Variants in TRPM6 observed in about 807,000 individuals in gnomAD.
TRPM6 encodes the protein channel kinase 2.
A neutral mutation model predicts 247.6 loss-of-function variants in TRPM6; 111 were observed. The observed-to-expected ratio is 0.45, with a 90% CI of 0.38 to 0.52. The LOEUF (loss-of-function observed/expected upper bound fraction) is 0.52, where lower values mean the gene tolerates loss of function less well. Among genes scored for constraint, TRPM6 ranks in the 20% least tolerant of loss-of-function variants. TRPM6 has a pLI of 0.00. For synonymous variants in TRPM6, 892 were observed against 853.8 expected, an observed-to-expected ratio of 1.04 and a Z score of -0.78; for missense variants, 2,126 against 2,421.5, an observed-to-expected ratio of 0.88 and a Z score of 2.56.
chr9:74,747,963 T>TA (rs1563995286), intron 30 of TRPM6, 49 bp from the exon 31 acceptor site: 1 of 1,573,392 alleles, frequency 6.4e-7, no homozygotes, highest in South Asian at 1.1e-5. Flanking sequence ...CCTTAAATCT[T>TA]ACAGTTATCA....
chr9:74,762,308 A>G lies in TRPM6; in HGVS notation c.4363T>C (p.Trp1455Arg). The G allele has an allele frequency of 6.2e-7, 1 of 1,614,232 alleles. No individual in the cohort carries two copies. The highest frequency in any genetic ancestry group is 8.5e-7 in the Non-Finnish European group (1 of 1,180,040). ...GTTTCATCACCTTCTGAAAATGCCCAGTTTACATATCCACCTCCAGTTTGC... is the reference window on the plus strand; with the variant it reads ...GTTTCATCACCTTCTGAAAATGCCCGGTTTACATATCCACCTCCAGTTTGC... ...IMQTGGGYVN[W>R]AFSEGDETGV... Residue 1455 changes from tryptophan to arginine, a missense_variant, in exon 26 of 39, where the codon TGG becomes CGG. Coordinates refer to ENST00000360774, the MANE Select transcript of TRPM6 (RefSeq NM_017662.5).
At chr9:74,853,754 A>G (rs1473932452) in intron 3 of TRPM6, among the ~76,000 whole-genome samples, 2 of 152,166 alleles carry the variant, frequency 1.3e-5, no homozygotes, top group South Asian at 2.1e-4. Context: ...TAGGAAAACC[A>G]GAGACCCTTG....
At chr9:74,865,185 A>G (rs926032548) in intron 1 of TRPM6, among the ~76,000 whole-genome samples, 1 of 152,202 alleles carries the variant, frequency 6.6e-6, no homozygotes, top group Non-Finnish European at 1.5e-5. Flanking sequence ...GGATTAGAGG[A>G]ACTCAACAGT....
At chr9:74,737,077 T>C (rs1005285424) in intron 36 of TRPM6, among the ~76,000 whole-genome samples, 6 of 152,176 alleles carry the variant, frequency 3.9e-5, no homozygotes, top group African/African-American at 1.4e-4. Context: ...GCTACAAAAA[T>C]AGATGCCTTG....
In TRPM6 at chr9:74,798,359, A is replaced by G. The variant is rs1828177232; in HGVS notation, c.2239-1466T>C. Among the ~76,000 whole-genome samples, 7 of 151,774 alleles carry G rather than the reference A, an allele frequency of 4.6e-5. No individual in the cohort carries two copies. In the South Asian group the frequency reaches 1.5e-3, roughly 32 times the overall value. ...TCTCTGGACTTTCTCCAGTTCTAAT[A>G]GGATTTTATTTGTGTGTTTGTTTTT... is the stretch of plus-strand genomic sequence containing the variant. On this transcript the variant is annotated intron_variant, in intron 17 of 38. Transcript: ENST00000360774.
At chr9:74,833,727 G>A (rs1404947072) in intron 6 of TRPM6, among the ~76,000 whole-genome samples, 1 of 152,178 alleles carries the variant, frequency 6.6e-6, no homozygotes, top group African/African-American at 2.4e-5. Flanking sequence ...TCAGATTTTA[G>A]ATATATTTTT....
At chr9:74,871,854 C>CTT (rs796954772) in intron 1 of TRPM6, among the ~76,000 whole-genome samples, 6 of 140,622 alleles carry the variant, frequency 4.3e-5, no homozygotes, top group African/African-American at 1.3e-4. Context: ...TCAGTAGTAA[C>CTT]TTTTTTTTTT....
intron 1 of TRPM6, among the ~76,000 whole-genome samples, chr9:74,874,108 T>C (rs1176934939): frequency 2.6e-5 from 4 of 152,178 alleles, no homozygotes; most frequent in African/African-American, 9.6e-5. Context: ...TGGTGGTACA[T>C]GCCTGTAATT....
chr9:74,795,715 T>C (rs749088122), intron 18 of TRPM6, among the ~76,000 whole-genome samples: 1 of 152,204 alleles, frequency 6.6e-6, no homozygotes, highest in Non-Finnish European at 1.5e-5. Context: ...TGTAATTTAG[T>C]CCTAAGAAAA....
intron 31 of TRPM6, 57 bp downstream of exon 31, chr9:74,747,832 C>T (rs1466718745): frequency 2.4e-5 from 34 of 1,388,568 alleles, no homozygotes; most frequent in Non-Finnish European, 3.4e-5. Context: ...GGACAGTGAA[C>T]CTCGCATTAA....
chr9:74,796,744 A>G lies in TRPM6; in HGVS notation c.2388T>C (p.Ser796=). 6.2e-7 allele frequency: 1 copy of G among 1,614,048 alleles called. No individual in the cohort carries two copies. The highest frequency in any genetic ancestry group is 8.5e-7 in the Non-Finnish European group (1 of 1,179,914). Reference sequence around the variant, plus strand: ...TTCATTATGATTTTGCACTAACCACAGAAGCACTTTCTTTGGAACTGCTGG... The same window carrying G: ...TTCATTATGATTTTGCACTAACCACGGAAGCACTTTCTTTGGAACTGCTGG... The part of the protein sequence containing the change: ...QNASSSKESA[S]VKEYDLERGH... The change falls in exon 18 of 39, where the codon TCT becomes TCC. Residue 796 remains serine (S), a synonymous_variant. Transcript: ENST00000360774.
intron 37 of TRPM6, among the ~76,000 whole-genome samples, chr9:74,729,289 A>C (rs537708738): frequency 1.3e-5 from 2 of 152,366 alleles, no homozygotes; most frequent in Admixed American, 1.3e-4. Context: ...AAAAGGAAAC[A>C]ATAAACTTCG....
At chr9:74,859,682 G>A (rs1248967104) in intron 1 of TRPM6, among the ~76,000 whole-genome samples, 1 of 151,740 alleles carries the variant, frequency 6.6e-6, no homozygotes, top group African/African-American at 2.4e-5. Flanking sequence ...GCTGAGGCAT[G>A]AGAATCGCTT....
At chr9:74,812,144 A>T (rs1378133593) in intron 12 of TRPM6, among the ~76,000 whole-genome samples, 155 bp downstream of exon 12, 1 of 152,252 alleles carries the variant, frequency 6.6e-6, no homozygotes, top group Non-Finnish European at 1.5e-5. Flanking sequence ...TGTTGGGGAA[A>T]GAAGCCTGGA....
intron 23 of TRPM6, 63 bp downstream of exon 23, chr9:74,782,299 T>C: frequency 8.2e-7 from 1 of 1,220,136 alleles, no homozygotes; most frequent in Non-Finnish European, 1.2e-6. Context: ...TACATGTGAA[T>C]CTACTCAACA....
intron 28 of TRPM6, among the ~76,000 whole-genome samples, chr9:74,753,480 G>A (rs1055668143): frequency 5.9e-5 from 9 of 152,172 alleles, no homozygotes; most frequent in African/African-American, 2.2e-4. Context: ...AGCATCACTT[G>A]AGGACAGGAG....
chr9:74,749,050 G>A (rs1436948825), intron 30 of TRPM6, among the ~76,000 whole-genome samples: 1 of 152,112 alleles, frequency 6.6e-6, no homozygotes, highest in African/African-American at 2.4e-5. Context: ...ATAGCTTACA[G>A]TAGTCAGTAC....
At chr9:74,839,905 G>GGAGGGAGGGAGGGCGGGAGA (rs1829867101) in intron 5 of TRPM6, 119 bp downstream of exon 5, 1 of 492,166 alleles carries the variant, frequency 2.0e-6, no homozygotes, top group Non-Finnish European at 3.5e-6. Context: ...AGGGAGGGAG[G>GGAGGGAGGGAGGGCGGGAGA]GAGGGAGGGA....
At chr9:74,851,101 A>C (rs953224225) in intron 3 of TRPM6, among the ~76,000 whole-genome samples, 1 of 135,824 alleles carries the variant, frequency 7.4e-6, no homozygotes, top group African/African-American at 2.5e-5. Context: ...TTGACATTTT[A>C]TTCTTTTTTT....
Sources: gnomAD v4.1 joint callset for allele counts (sites outside exome capture counted in the v4.1 genomes callset) on GRCh38, gnomAD v4.1.1 for gene constraint, MANE v1.5 for transcripts, NCBI Gene and HGNC (gene_info 2026-07-23, HGNC 2026-07-21) for gene names.